MYO5C: variants seen among roughly 807,000 people sequenced by gnomAD.
MYO5C encodes myosin VC.
MYO5C carries 194 observed loss-of-function variants against 235.7 expected under a neutral mutation model. That is an observed-to-expected ratio of 0.82 (90% CI 0.73 to 0.93). MYO5C has a LOEUF of 0.93. Ranked by LOEUF, MYO5C falls within the 40% of genes least tolerant of loss-of-function variation. The pLI, the probability that MYO5C is intolerant of heterozygous loss-of-function variation, is 0.00. For missense variants in MYO5C, 2,038 were observed against 2,127.2 expected (o/e 0.96, Z 0.82); for synonymous variants, 707 against 754.8 (o/e 0.94, Z 1.04).
At chr15:52,269,537 C>T (rs2036876206) in intron 8 of MYO5C, among the ~76,000 whole-genome samples, 1 of 151,650 alleles carries the variant, frequency 6.6e-6, no homozygotes, top group Non-Finnish European at 1.5e-5. Flanking sequence ...GGACTACAGG[C>T]ACCCGCCACC....
In MYO5C at chr15:52,231,716, C is replaced by G. The variant is rs779866269; in HGVS notation, c.3026+906G>C. On this transcript the variant is annotated intron_variant, in intron 24 of 40. Coordinates refer to ENST00000261839, the MANE Select transcript of MYO5C (RefSeq NM_018728.4). Reference sequence around the variant, plus strand: ...TCCTACCACCACAGGCAGCCCTGAGCTTCCTAGCCCCCAAAAGAGATGTGC... The same window carrying G: ...TCCTACCACCACAGGCAGCCCTGAGGTTCCTAGCCCCCAAAAGAGATGTGC... Among the ~76,000 whole-genome samples the G allele has an allele frequency of 3.8e-4, 58 of 152,146 alleles. 1 individual carries two copies. Among genetic ancestry groups the G allele is most frequent in the Non-Finnish European group, 1.3e-4 (9 of 68,012 alleles).
intron 9 of MYO5C, among the ~76,000 whole-genome samples, chr15:52,263,948 A>G (rs575292384): frequency 2.0e-5 from 3 of 152,182 alleles, no homozygotes; most frequent in Non-Finnish European, 4.4e-5. Flanking sequence ...TGCTTCATAC[A>G]TACTTTTTGA....
At chr15:52,220,276 G>C (rs1459876481) in intron 30 of MYO5C, among the ~76,000 whole-genome samples, 1 of 152,140 alleles carries the variant, frequency 6.6e-6, no homozygotes, top group Non-Finnish European at 1.5e-5. Flanking sequence ...TTTAAAAATA[G>C]GAATCTCTAG....
chr15:52,265,543 G>GTT (rs11333781), intron 8 of MYO5C, among the ~76,000 whole-genome samples: 6 of 143,206 alleles, frequency 4.2e-5, no homozygotes, highest in African/African-American at 1.0e-4. Flanking sequence ...ACAGTTTTTT[G>GTT]TTTTTTTTTT....
At chr15:52,248,597 C>CAG in intron 14 of MYO5C, 103 bp downstream of exon 14, 1 of 835,302 alleles carries the variant, frequency 1.2e-6, no homozygotes, top group Non-Finnish European at 2.0e-6. Context: ...CACACACACA[C>CAG]ACACACACAC....
intron 39 of MYO5C, among the ~76,000 whole-genome samples, chr15:52,196,013 G>T (rs1444324972): frequency 2.6e-4 from 28 of 108,348 alleles, no homozygotes; most frequent in African/African-American, 6.3e-4. Flanking sequence ...GTCTTGTTAT[G>T]TTGCCCAGAC....
chr15:52,204,425 T>C (rs2035254887), intron 38 of MYO5C, among the ~76,000 whole-genome samples: 1 of 152,058 alleles, frequency 6.6e-6, no homozygotes, highest in Non-Finnish European at 1.5e-5. Flanking sequence ...CTGATACATT[T>C]CCTGCACCAC....
intron 8 of MYO5C, among the ~76,000 whole-genome samples, chr15:52,268,298 C>A (rs1313862085): frequency 6.6e-6 from 1 of 152,306 alleles, no homozygotes; most frequent in South Asian, 2.1e-4. Flanking sequence ...GGCGCGGTGG[C>A]TCATGCCTGT....
In MYO5C at chr15:52,257,029, T is replaced by G. The variant is rs548670817; in HGVS notation, c.1314-309A>C. 2.3e-5 allele frequency: 5 copies of G among 218,456 alleles called. No individual in the cohort carries two copies. The South Asian group carries it at 4.8e-4, about 21-fold the overall frequency. The allele number at this position is 218,456 out of a possible 1,614,324, so 13.5% of individuals were successfully genotyped here. A position where few individuals can be genotyped will look rare whatever the true frequency, so the allele number is the denominator to read the frequency against. On this transcript the variant is annotated intron_variant, in intron 10 of 40. Transcript: ENST00000261839. ...TGATATTGGCAATTATTATTCTGAC[T>G]TTATAGGTCAGAAAATAAGCCCGAG...
chr15:52,281,504 T>A (rs1242900576), intron 2 of MYO5C, among the ~76,000 whole-genome samples: 2 of 152,162 alleles, frequency 1.3e-5, no homozygotes, highest in Admixed American at 1.3e-4. Context: ...CAGGAGACAC[T>A]CAATAAAAAC....
At chr15:52,220,964 T>A (rs2141285703) in intron 30 of MYO5C, among the ~76,000 whole-genome samples, 198 bp downstream of exon 30, 1 of 152,260 alleles carries the variant, frequency 6.6e-6, no homozygotes, top group Admixed American at 6.5e-5. Flanking sequence ...TGTAAGCCAC[T>A]GCACTCAGCC....
chr15:52,265,878 T>C (rs2036799208), intron 8 of MYO5C, among the ~76,000 whole-genome samples: 1 of 152,202 alleles, frequency 6.6e-6, no homozygotes, highest in Non-Finnish European at 1.5e-5. Flanking sequence ...TCTCAAAAGA[T>C]TTCAATCCAA....
intron 29 of MYO5C, among the ~76,000 whole-genome samples, chr15:52,222,210 C>T (rs1286909726): frequency 5.9e-5 from 9 of 152,148 alleles, no homozygotes. Context: ...TGGGACGTAG[C>T]CCCATGGTAA....
chr15:52,196,258 G>T (rs750440612), intron 39 of MYO5C, 51 bp downstream of exon 39: 2 of 1,525,984 alleles, frequency 1.3e-6, no homozygotes, highest in Non-Finnish European at 1.8e-6. Flanking sequence ...AATGCCCACT[G>T]CACTGATGTG....
At chr15:52,265,027 A>C (rs2036774123) in intron 8 of MYO5C, among the ~76,000 whole-genome samples, 1 of 152,126 alleles carries the variant, frequency 6.6e-6, no homozygotes, top group Admixed American at 6.5e-5. Flanking sequence ...CCAGGTGCCC[A>C]CTGCCCCTTG....
intron 11 of MYO5C, among the ~76,000 whole-genome samples, chr15:52,254,134 C>A (rs1381705563): frequency 6.6e-6 from 1 of 152,162 alleles, no homozygotes; most frequent in Non-Finnish European, 1.5e-5. Flanking sequence ...AATGTGGTGG[C>A]AAAGAATGGT....
chr15:52,248,791 G>T lies in MYO5C; in HGVS notation c.1663-8C>A, dbSNP rs371762665. ...TTCACATTTATACTCTACCTATACA[G>T]AGAAAGCAATTAATTATTCCCAAAG... On this transcript the variant is annotated splice_polypyrimidine_tract_variant and splice_region_variant and intron_variant, in intron 13 of 40. Transcript: ENST00000261839. 5 of 1,598,894 alleles carry T rather than the reference G, an allele frequency of 3.1e-6. No homozygotes were observed. Among genetic ancestry groups the T allele is most frequent in the Non-Finnish European group, 4.3e-6 (5 of 1,167,128 alleles).
intron 10 of MYO5C, 131 bp downstream of exon 10, chr15:52,260,730 TA>T (rs2036676205): frequency 2.0e-6 from 2 of 1,013,330 alleles, no homozygotes; most frequent in East Asian, 5.1e-5. Context: ...TTAGCATCTA[TA>T]GGGGCAAAAG....
chr15:52,295,120 C>G (rs73406663), intron 1 of MYO5C, among the ~76,000 whole-genome samples: 3,961 of 152,322 alleles, frequency 0.026, 185 homozygotes, highest in African/African-American at 0.09. Flanking sequence ...TATGCCAGCT[C>G]GTTCAAGGGG....
Sources: gnomAD v4.1 joint callset for allele counts (sites outside exome capture counted in the v4.1 genomes callset) on GRCh38, gnomAD v4.1.1 for gene constraint, MANE v1.5 for transcripts, NCBI Gene and HGNC (gene_info 2026-07-23, HGNC 2026-07-21) for gene names.